CPEB3: variants seen among roughly 807,000 people sequenced by gnomAD.
CPEB3 encodes the protein cytoplasmic polyadenylation element binding protein 3, also known as cytoplasmic polyadenylation element-binding protein 3.
In CPEB3, 20 loss-of-function variants were observed where a neutral mutation model predicts 67.2. The observed-to-expected ratio is 0.30, with a 90% CI of 0.21 to 0.43. The LOEUF is 0.43. CPEB3 is among the 20% of genes least tolerant of loss of function. The pLI is 1.00. For synonymous variants in CPEB3, 376 were observed against 393.1 expected (o/e 0.96, Z 0.51); for missense variants, 746 against 968.6 (o/e 0.77, Z 3.05).
intron 9 of CPEB3, among the ~76,000 whole-genome samples, chr10:92,070,643 G>C (rs1334056155): frequency 6.6e-6 from 1 of 151,960 alleles, no homozygotes; most frequent in Non-Finnish European, 1.5e-5. Context: ...TGGGCTTGGT[G>C]GTGGGTGCCT....
chr10:92,142,039 C>CA (rs546901334), intron 6 of CPEB3, among the ~76,000 whole-genome samples: 4,439 of 115,034 alleles, frequency 0.039, 151 homozygotes, highest in African/African-American at 0.1. Flanking sequence ...CAAATAAAAA[C>CA]AAAAAAAAAA....
upstream of CPEB3, chr10:92,291,134 G>C (rs1321227062): frequency 2.6e-6 from 1 of 383,790 alleles, no homozygotes; most frequent in Non-Finnish European, 4.7e-6. Context: ...GCCCTGCGTC[G>C]TAACCCTGGC....
At chr10:92,091,164 T>TA (rs1287132682) in intron 8 of CPEB3, among the ~76,000 whole-genome samples, 3 of 152,226 alleles carry the variant, frequency 2.0e-5, no homozygotes, top group African/African-American at 7.2e-5. Context: ...TATGTGCATA[T>TA]AAATAACACA....
chr10:92,283,730 T>C (rs1590619961), intron 1 of CPEB3, among the ~76,000 whole-genome samples: 2 of 144,892 alleles, frequency 1.4e-5, no homozygotes, highest in African/African-American at 5.0e-5. Context: ...TTCTTTTTTT[T>C]TTTTTTTTTT....
At chr10:92,114,070 C>G (rs1196621239) in intron 6 of CPEB3, among the ~76,000 whole-genome samples, 1 of 152,156 alleles carries the variant, frequency 6.6e-6, no homozygotes, top group Non-Finnish European at 1.5e-5. Context: ...ATTCTCTCAG[C>G]ACTGTAGATA....
rs749654756 is a variant in CPEB3 at position 92,239,610 on chromosome 10, G to A, written c.741C>T (p.Ser247=). Residue 247 remains serine (S), a synonymous_variant, in exon 2 of 10, where the codon AGC becomes AGT. Transcript: ENST00000265997. This position sits in a 1 kb window ranked among gnomAD's most constrained non-coding sequence, Gnocchi z 6.0. ...SASSSWNTHQ[S]VNAAWSAPSN... The stretch of plus-strand genomic sequence containing the variant: ...ACGGTGCGCTCCAGGCTGCATTCAC[G>A]CTTTGGTGCGTGTTCCAGCTGGACG... The A allele has an allele frequency of 5.8e-6, 9 of 1,556,714 alleles. No homozygotes were observed. Among genetic ancestry groups the A allele is most frequent in the South Asian group, 4.7e-5 (4 of 84,670 alleles).
At chr10:92,186,768 A>G (rs972208653) in intron 3 of CPEB3, among the ~76,000 whole-genome samples, 1 of 152,190 alleles carries the variant, frequency 6.6e-6, no homozygotes, top group Non-Finnish European at 1.5e-5. Flanking sequence ...TGCTATGCTT[A>G]AAGGATGATT....
chr10:92,278,913 T>C (rs1423475792), intron 1 of CPEB3, among the ~76,000 whole-genome samples: 2 of 152,098 alleles, frequency 1.3e-5, no homozygotes, highest in African/African-American at 4.8e-5. Context: ...GTATTGGTTC[T>C]AACAGGTGTT....
chr10:92,258,623 T>A (rs1852627460), intron 1 of CPEB3, among the ~76,000 whole-genome samples: 1 of 34,666 alleles, frequency 2.9e-5, no homozygotes, highest in Non-Finnish European at 4.7e-5. Flanking sequence ...TTATATTTTT[T>A]GAATATATAT....
chr10:92,198,765 A>G (rs1468934048), intron 2 of CPEB3, among the ~76,000 whole-genome samples: 2 of 152,214 alleles, frequency 1.3e-5, no homozygotes, highest in Non-Finnish European at 2.9e-5. Context: ...GGTTTATGTA[A>G]CTGCTCAGTC....
intron 7 of CPEB3, among the ~76,000 whole-genome samples, chr10:92,100,652 C>G (rs1844137201): frequency 6.6e-6 from 1 of 152,148 alleles, no homozygotes; most frequent in East Asian, 1.9e-4. Flanking sequence ...AGTGCAGTGG[C>G]ACGATCTCGG....
chr10:92,150,233 A>G (rs912433143), intron 4 of CPEB3, among the ~76,000 whole-genome samples: 3 of 150,068 alleles, frequency 2.0e-5, no homozygotes, highest in Non-Finnish European at 4.4e-5. Context: ...AAAATAATCT[A>G]TTTCCCTCTG....
chr10:92,110,917 T>C (rs1023915435), intron 7 of CPEB3, among the ~76,000 whole-genome samples, 159 bp downstream of exon 7: 1 of 152,238 alleles, frequency 6.6e-6, no homozygotes, highest in Non-Finnish European at 1.5e-5. Flanking sequence ...TTGTTGTTAG[T>C]TTCCCATCAC....
At chr10:92,166,083 G>C (rs1478854090) in intron 4 of CPEB3, among the ~76,000 whole-genome samples, 2 of 151,842 alleles carry the variant, frequency 1.3e-5, no homozygotes, top group African/African-American at 4.8e-5. Context: ...TCTATGGCAA[G>C]TATTGCCTTA....
At chr10:92,100,395 T>G (rs1844119745) in intron 7 of CPEB3, among the ~76,000 whole-genome samples, 1 of 152,048 alleles carries the variant, frequency 6.6e-6, no homozygotes, top group Non-Finnish European at 1.5e-5. Context: ...TGCCTCAGTC[T>G]CTCAAGTAGC....
intron 6 of CPEB3, among the ~76,000 whole-genome samples, chr10:92,135,939 C>T (rs1846070631): frequency 6.6e-6 from 1 of 150,682 alleles, no homozygotes. Context: ...CATGTTCTCA[C>T]TCATAGGTGG....
intron 6 of CPEB3, among the ~76,000 whole-genome samples, chr10:92,142,514 A>G (rs1179891072): frequency 3.3e-5 from 5 of 152,210 alleles, no homozygotes; most frequent in African/African-American, 1.2e-4. Flanking sequence ...CAGGGAAGCA[A>G]GGTCATATGG....
chr10:92,178,360 C>T (rs1465530104), intron 4 of CPEB3, among the ~76,000 whole-genome samples: 10 of 152,008 alleles, frequency 6.6e-5, no homozygotes, highest in Admixed American at 5.2e-4. Flanking sequence ...GGTTTCTCCA[C>T]GTTGGCCAGG....
rs897957875 is a variant in CPEB3 at position 92,232,106 on chromosome 10, G to A, written c.1005+7240C>T. On this transcript the variant is annotated intron_variant, in intron 2 of 9. Coordinates refer to ENST00000265997, the MANE Select transcript of CPEB3 (RefSeq NM_014912.5). ...TCACTCTTGTCATCCAGGCTGGAGG[G>A]CAATAGCATGATCTCAGCTCACTGC... Among the ~76,000 whole-genome samples, 17 of 151,178 alleles carry A rather than the reference G, an allele frequency of 1.1e-4. 1 individual carries two copies. Among genetic ancestry groups the A allele is most frequent in the Non-Finnish European group, 2.5e-4 (17 of 67,888 alleles).
Sources: gnomAD v4.1 joint callset for allele counts (sites outside exome capture counted in the v4.1 genomes callset) on GRCh38, gnomAD v4.1.1 for gene constraint, Gnocchi (gnomAD v3.1) non-coding constraint, MANE v1.5 for transcripts, NCBI Gene and HGNC (gene_info 2026-07-23, HGNC 2026-07-21) for gene names.